The following AKAP7 variants were observed in gnomAD, a reference collection of about 807,000 sequenced individuals.
AKAP7 encodes the protein A-kinase anchoring protein 7.
Under a neutral mutation model 39.5 loss-of-function variants are expected in AKAP7, and 39 were observed. That is an observed-to-expected ratio of 0.99 (90% CI 0.76 to 1.29). AKAP7 has a LOEUF of 1.29. Among genes scored for constraint, AKAP7 ranks in the 50% most tolerant of loss-of-function variants. AKAP7 has a pLI of 0.00. For synonymous variants in AKAP7, 140 were observed against 139.1 expected, an observed-to-expected ratio of 1.01 and a Z score of -0.05; for missense variants, 414 against 407.7, an observed-to-expected ratio of 1.02 and a Z score of -0.13.
At chr6:131,189,949 A>G (rs932353248) in intron 5 of AKAP7, among the ~76,000 whole-genome samples, 2 of 152,202 alleles carry the variant, frequency 1.3e-5, no homozygotes, top group Non-Finnish European at 2.9e-5. Context: ...AGCAATCTCA[A>G]TTATTCATAA....
intron 4 of AKAP7, among the ~76,000 whole-genome samples, chr6:131,167,701 A>T (rs977726841): frequency 1.3e-5 from 2 of 152,152 alleles, no homozygotes; most frequent in African/African-American, 2.4e-5. Context: ...TGACAAATGC[A>T]CAATACTTTA....
At position 131,270,695 on chromosome 6, in the gene AKAP7, A is replaced by G. The variant is rs185733606; in HGVS notation, c.851-10835A>G. The stretch of plus-strand genomic sequence containing the variant: ...TACCATTTTTGCATTCCCACCAGCA[A>G]TAGGAGTTCCAGTTGCTTCACATCC... On this transcript the variant is annotated intron_variant, in intron 7 of 7. Transcript: ENST00000431975. Among the ~76,000 whole-genome samples, 260 of 152,302 alleles carry G rather than the reference A, an allele frequency of 1.7e-3. 1 individual carries two copies. The highest frequency in any genetic ancestry group is 6.1e-3 in the African/African-American group (255 of 41,562).
At chr6:131,239,671 T>C (rs1011377426) in intron 7 of AKAP7, among the ~76,000 whole-genome samples, 1 of 152,258 alleles carries the variant, frequency 6.6e-6, no homozygotes, top group African/African-American at 2.4e-5. Flanking sequence ...CTTCCATCAC[T>C]GATACCCTTT....
chr6:131,268,285 T>C lies in AKAP7; in HGVS notation c.851-13245T>C, dbSNP rs140836580. ...TGGATGAACTAAGCTTCCTAATTCG[T>C]AGTGAGGGAATTATCAGTTTCCATC... is the stretch of plus-strand genomic sequence containing the variant. On this transcript the variant is annotated intron_variant, in intron 7 of 7. Coordinates refer to ENST00000431975, the MANE Select transcript of AKAP7 (RefSeq NM_016377.4). 1.1e-3 allele frequency among the ~76,000 whole-genome samples: 167 copies of C among 152,310 alleles called. 1 individual carries two copies. The highest frequency in any genetic ancestry group is 3.8e-3 in the African/African-American group (156 of 41,564).
intron 7 of AKAP7, among the ~76,000 whole-genome samples, chr6:131,236,038 G>A (rs1811026363): frequency 6.6e-6 from 1 of 152,126 alleles, no homozygotes; most frequent in African/African-American, 2.4e-5. Flanking sequence ...ATGGTTTTAG[G>A]TCTAACATTT....
intron 5 of AKAP7, among the ~76,000 whole-genome samples, chr6:131,179,812 C>T (rs983211093): frequency 1.7e-4 from 26 of 151,688 alleles, no homozygotes; most frequent in African/African-American, 6.1e-4. Flanking sequence ...GAGGCTGCAG[C>T]GAGCTGTGAA....
intron 7 of AKAP7, among the ~76,000 whole-genome samples, chr6:131,245,493 A>T (rs1375398060): frequency 2.0e-5 from 3 of 151,048 alleles, no homozygotes; most frequent in Non-Finnish European, 4.4e-5. Flanking sequence ...GAACACAGAG[A>T]AACAAAATGT....
intron 7 of AKAP7, among the ~76,000 whole-genome samples, chr6:131,267,586 A>G (rs921010482): frequency 6.6e-6 from 1 of 152,144 alleles, no homozygotes; most frequent in Non-Finnish European, 1.5e-5. Context: ...TTCCAGGCTC[A>G]TCATTCTCCT....
chr6:131,276,201 TTTACA>T (rs1208099805), intron 7 of AKAP7, among the ~76,000 whole-genome samples: 2 of 152,226 alleles, frequency 1.3e-5, no homozygotes, highest in Non-Finnish European at 2.9e-5. Context: ...CCTTTTGAAA[TTTACA>T]TTATAGAAAA....
intron 5 of AKAP7, among the ~76,000 whole-genome samples, chr6:131,193,945 CT>C (rs1806665438): frequency 6.6e-6 from 1 of 151,812 alleles, no homozygotes; most frequent in Admixed American, 6.6e-5. Flanking sequence ...TATCTTTGTT[CT>C]TAGTCTGGCT....
At chr6:131,149,353 G>A (rs1801728378) in intron 2 of AKAP7, among the ~76,000 whole-genome samples, 1 of 152,214 alleles carries the variant, frequency 6.6e-6, no homozygotes, top group Non-Finnish European at 1.5e-5. Context: ...ATGATGGGGA[G>A]GCTGGGTGCC....
At chr6:131,143,205 G>T (rs1302728823) in intron 1 of AKAP7, among the ~76,000 whole-genome samples, 2 of 152,132 alleles carry the variant, frequency 1.3e-5, no homozygotes, top group African/African-American at 4.8e-5. Context: ...GTGAGATTTA[G>T]GTGGCCAGGG....
chr6:131,183,983 G>A (rs1805559815), intron 5 of AKAP7, among the ~76,000 whole-genome samples: 1 of 152,186 alleles, frequency 6.6e-6, no homozygotes, highest in African/African-American at 2.4e-5. Context: ...GAAGTGAGCT[G>A]CTCTCCCACT....
intron 7 of AKAP7, among the ~76,000 whole-genome samples, chr6:131,242,522 T>G (rs1811703889): frequency 6.6e-6 from 1 of 150,596 alleles, no homozygotes. Context: ...ATATAATTAC[T>G]TATAGACCCT....
upstream of AKAP7, among the ~76,000 whole-genome samples, chr6:131,130,555 CA>C (rs1441025605): frequency 3.3e-5 from 5 of 152,336 alleles, no homozygotes; most frequent in East Asian, 9.6e-4. Context: ...TTCGGCCTTC[CA>C]AAGTGCTGGG....
At chr6:131,226,329 G>A (rs1163358061) in intron 7 of AKAP7, among the ~76,000 whole-genome samples, 1 of 152,152 alleles carries the variant, frequency 6.6e-6, no homozygotes, top group African/African-American at 2.4e-5. Flanking sequence ...CGGATATGGT[G>A]GCAACATTCC....
At chr6:131,274,845 T>G (rs924470544) in intron 7 of AKAP7, among the ~76,000 whole-genome samples, 1 of 152,154 alleles carries the variant, frequency 6.6e-6, no homozygotes, top group African/African-American at 2.4e-5. Flanking sequence ...ATGCCTTTCT[T>G]ATGTCTGGAA....
chr6:131,129,939 A>C, the AKAP7 span, among the ~76,000 whole-genome samples: 1 of 152,186 alleles, frequency 6.6e-6, no homozygotes, highest in Non-Finnish European at 1.5e-5. Context: ...AAACAGAGTC[A>C]ATTGTTTTGG....
intron 7 of AKAP7, chr6:131,241,994 T>C: frequency 1.1e-6 from 1 of 914,104 alleles, no homozygotes; most frequent in Non-Finnish European, 1.3e-6. Flanking sequence ...GTATATTTTA[T>C]TTCCCTTTAT....
Sources: gnomAD v4.1 joint callset for allele counts (sites outside exome capture counted in the v4.1 genomes callset) on GRCh38, gnomAD v4.1.1 for gene constraint, MANE v1.5 for transcripts, NCBI Gene and HGNC (gene_info 2026-07-23, HGNC 2026-07-21) for gene names.